Variants in RNU5E-1 observed in about 807,000 individuals in gnomAD.
The protein encoded by RNU5E-1 is RNA, U5E small nuclear.
exon 1 of RNU5E-1, chr1:11,908,169 C>T (rs186581960): frequency 5.9e-5 from 9 of 152,142 alleles, no homozygotes; most frequent in Non-Finnish European, 7.3e-5. Flanking sequence ...GGTTTCTCTT[C>T]AAATCGTATA....
In RNU5E-1 at chr1:11,908,195, A is replaced by G. The variant is rs543932936; in HGVS notation, n.44A>G. 2.5e-4 allele frequency: 38 copies of G among 152,324 alleles called. 2 individuals are homozygous for G. Among genetic ancestry groups the G allele is most frequent in the South Asian group, 2.1e-4 (1 of 4,832 alleles). 9.4% of individuals were successfully genotyped at this position (152,324 alleles called of 1,614,324 possible). Reference sequence around the variant, plus strand: ...AAATCGTATAAATCTTTCGCCTTTTACTAAAGATTTCCGTGGAGAGAAACG... The same window carrying G: ...AAATCGTATAAATCTTTCGCCTTTTGCTAAAGATTTCCGTGGAGAGAAACG... On this transcript the variant is annotated non_coding_transcript_exon_variant, in exon 1 of 1. Coordinates refer to ENST00000362477, the Ensembl canonical transcript of RNU5E-1.
exon 1 of RNU5E-1, chr1:11,908,191 T>TTTTACTAAAGATTTCCGTGGAGAG (rs1645393256): frequency 6.6e-6 from 1 of 152,180 alleles, no homozygotes; most frequent in Non-Finnish European, 1.5e-5. Context: ...ATCTTTCGCC[T>TTTTACTAAAGATTTCCGTGGAGAG]TTTACTAAAG....
chr1:11,908,216 A>AACGAGTGTGATGGAGAGG, exon 1 of RNU5E-1: 2 of 152,058 alleles, frequency 1.3e-5, no homozygotes, highest in Middle Eastern at 6.8e-3. Context: ...CCGTGGAGAG[A>AACGAGTGTGATGGAGAGG]AACGAGTGTG....
At chr1:11,908,256 G>GT (rs1035001887) in exon 1 of RNU5E-1, 14 of 135,428 alleles carry the variant, frequency 1.0e-4, no homozygotes, top group African/African-American at 3.2e-4. Flanking sequence ...GAGGCCTTGC[G>GT]TTTCTTAGCA....
chr1:11,908,218 A>C (rs530499806), exon 1 of RNU5E-1: 1 of 152,084 alleles, frequency 6.6e-6, no homozygotes, highest in Non-Finnish European at 1.5e-5. Context: ...GTGGAGAGAA[A>C]CGAGTGTGAG....
chr1:11,908,230 C>G (rs186889640), exon 1 of RNU5E-1: 9 of 150,328 alleles, frequency 6.0e-5, no homozygotes, highest in African/African-American at 9.7e-5. Context: ...GAGTGTGAGT[C>G]TGAAACCAAT....
At chr1:11,908,179 A>G (rs1050319426) in exon 1 of RNU5E-1, 42 of 152,174 alleles carry the variant, frequency 2.8e-4, no homozygotes, top group South Asian at 6.2e-4. Context: ...CAAATCGTAT[A>G]AATCTTTCGC....
chr1:11,908,189 C>T (rs576452101), exon 1 of RNU5E-1: 42 of 152,262 alleles, frequency 2.8e-4, no homozygotes, highest in South Asian at 1.0e-3. Flanking sequence ...AAATCTTTCG[C>T]CTTTTACTAA....
exon 1 of RNU5E-1, chr1:11,908,173 T>A (rs6687063): frequency 6.6e-6 from 1 of 151,972 alleles, no homozygotes; most frequent in Non-Finnish European, 1.5e-5. Context: ...TCTCTTCAAA[T>A]CGTATAAATC....
At chr1:11,908,204 T>C (rs1040221034) in exon 1 of RNU5E-1, 1 of 152,202 alleles carries the variant, frequency 6.6e-6, no homozygotes, top group Non-Finnish European at 1.5e-5. Flanking sequence ...TACTAAAGAT[T>C]TCCGTGGAGA....
exon 1 of RNU5E-1, chr1:11,908,254 G>C (rs558700688): frequency 2.2e-5 from 3 of 135,560 alleles, no homozygotes; most frequent in African/African-American, 7.5e-5. Flanking sequence ...TTGAGGCCTT[G>C]CGTTTCTTAG....
rs1057108871 is a variant in RNU5E-1 at position 11,908,233 on chromosome 1, A to C, written n.82A>C. The C allele has an allele frequency of 5.4e-5, 8 of 147,918 alleles. No individual in the cohort carries two copies. The South Asian group carries it at 1.4e-3, about 25-fold the overall frequency. 9.2% of individuals were successfully genotyped at this position (147,918 alleles called of 1,614,324 possible). A position where few individuals can be genotyped will look rare whatever the true frequency, so the allele number is the denominator to read the frequency against. On this transcript the variant is annotated non_coding_transcript_exon_variant, in exon 1 of 1. Coordinates refer to ENST00000362477, the Ensembl canonical transcript of RNU5E-1. Reference sequence around the variant, plus strand: ...GTGGAGAGAAACGAGTGTGAGTCTGAAACCAATTTTTTGAGGCCTTGCGTT... The same window carrying C: ...GTGGAGAGAAACGAGTGTGAGTCTGCAACCAATTTTTTGAGGCCTTGCGTT...
chr1:11,908,259 T>C (rs1009794929), exon 1 of RNU5E-1: 2 of 151,986 alleles, frequency 1.3e-5, no homozygotes, highest in African/African-American at 2.4e-5. Flanking sequence ...GCCTTGCGTT[T>C]CTTAGCAGGG....
chr1:11,908,177 A>G (rs149129254), exon 1 of RNU5E-1: 64 of 152,300 alleles, frequency 4.2e-4, no homozygotes, highest in African/African-American at 7.0e-4. Context: ...TTCAAATCGT[A>G]TAAATCTTTC....
exon 1 of RNU5E-1, chr1:11,908,214 A>G (rs142968452): frequency 1.4e-4 from 21 of 152,206 alleles, no homozygotes; most frequent in East Asian, 3.9e-4. Flanking sequence ...TTCCGTGGAG[A>G]GAAACGAGTG....
exon 1 of RNU5E-1, chr1:11,908,183 C>A (rs143252739): frequency 3.3e-5 from 5 of 152,148 alleles, no homozygotes; most frequent in Admixed American, 6.6e-5. Flanking sequence ...TCGTATAAAT[C>A]TTTCGCCTTT....
exon 1 of RNU5E-1, chr1:11,908,180 A>G (rs1328362686): frequency 3.3e-5 from 5 of 152,182 alleles, no homozygotes; most frequent in Admixed American, 1.3e-4. Context: ...AAATCGTATA[A>G]ATCTTTCGCC....
exon 1 of RNU5E-1, chr1:11,908,253 T>TA (rs1237483120): frequency 5.2e-5 from 7 of 135,640 alleles, no homozygotes; most frequent in Non-Finnish European, 1.2e-4. Flanking sequence ...TTTGAGGCCT[T>TA]GCGTTTCTTA....
chr1:11,908,239 A>AT (rs547853286), exon 1 of RNU5E-1: 3 of 142,910 alleles, frequency 2.1e-5, no homozygotes, highest in Admixed American at 7.1e-5. Context: ...TCTGAAACCA[A>AT]TTTTTTGAGG....
Sources: allele counts gnomAD v4.1 joint callset, GRCh38; gene constraint gnomAD v4.1.1; transcripts MANE v1.5; gene names NCBI Gene and HGNC (gene_info 2026-07-23, HGNC 2026-07-21).